Variants in ACOX1 observed in about 807,000 individuals in gnomAD.
ACOX1 encodes acyl-CoA oxidase 1.
In ACOX1, 41 loss-of-function variants were observed where a neutral mutation model predicts 75.5. That is an observed-to-expected ratio of 0.54 (90% CI 0.42 to 0.70). The LOEUF is 0.70. Among genes scored for constraint, ACOX1 ranks in the 30% least tolerant of loss-of-function variants. The pLI is 0.00. For synonymous variants in ACOX1, 303 were observed against 298.8 expected (o/e 1.01, Z -0.15); for missense variants, 630 against 837.5 (o/e 0.75, Z 3.06).
intron 2 of ACOX1, among the ~76,000 whole-genome samples, chr17:75,967,020 G>T (rs748084333): frequency 1.3e-5 from 2 of 150,984 alleles, no homozygotes; most frequent in African/African-American, 2.4e-5. Context: ...CTGCGCCACT[G>T]CACCCCAGCC....
rs780917894 is a variant in ACOX1 at position 75,950,463 on chromosome 17, G to C, written c.1298+311C>G. Among the ~76,000 whole-genome samples the C allele has an allele frequency of 2.6e-5, 4 of 151,990 alleles. No homozygotes were observed. Among genetic ancestry groups the C allele is most frequent in the Non-Finnish European group, 2.9e-5 (2 of 68,014 alleles). On this transcript the variant is annotated intron_variant, in intron 9 of 13. Transcript: ENST00000293217. This position sits in a 1 kb window ranked among gnomAD's most constrained non-coding sequence, Gnocchi z 4.3. Reference sequence around the variant, plus strand: ...GACACGGTTTCACCATGTTGATCAAGCTGGTCTTGAACTCCTTACCTCATG... The same window carrying C: ...GACACGGTTTCACCATGTTGATCAACCTGGTCTTGAACTCCTTACCTCATG...
intron 12 of ACOX1, 116 bp downstream of exon 12, chr17:75,949,101 G>A (rs748605888): frequency 3.3e-5 from 39 of 1,198,404 alleles, no homozygotes; most frequent in Non-Finnish European, 4.2e-5. Context: ...AGTGATCACC[G>A]TACCCGCCTT....
Position 75,950,345 on chromosome 17 carries a change from A to T in ACOX1, c.1298+429T>A, listed in dbSNP as rs555212606. ...ACTGCAACCTCCGCTTCCCAGGTTCAAGCGATTCTTCTGCCTCAGCCTCCC... is the reference window on the plus strand; with the variant it reads ...ACTGCAACCTCCGCTTCCCAGGTTCTAGCGATTCTTCTGCCTCAGCCTCCC... On this transcript the variant is annotated intron_variant, in intron 9 of 13. Coordinates refer to ENST00000293217, the MANE Select transcript of ACOX1 (RefSeq NM_004035.7). The surrounding 1 kb of genome is among the most constrained non-coding windows in gnomAD (Gnocchi z 4.3). 6.6e-6 allele frequency among the ~76,000 whole-genome samples: 1 copy of T among 151,082 alleles called. No individual in the cohort carries two copies. Among genetic ancestry groups the T allele is most frequent in the Non-Finnish European group, 1.5e-5 (1 of 67,812 alleles).
intron 2 of ACOX1, among the ~76,000 whole-genome samples, chr17:75,966,148 TAAATAA>T (rs917864783): frequency 1.5e-4 from 21 of 140,414 alleles, no homozygotes; most frequent in African/African-American, 4.5e-4. Context: ...AAAAAAATAA[TAAATAA>T]AAATAATAAA....
intron 2 of ACOX1, among the ~76,000 whole-genome samples, chr17:75,975,865 GAGAGAGAGAAAGAA>G (rs1475580709): frequency 6.0e-5 from 9 of 150,870 alleles, no homozygotes; most frequent in African/African-American, 1.5e-4. Flanking sequence ...GAGAGAGAGA[GAGAGAGAGAAAGAA>G]AGAGAGAGAA....
In ACOX1 at chr17:75,978,923, C is replaced by T. The variant is rs777070284; in HGVS notation, c.109+42G>A. 14 of 1,605,922 alleles carry T rather than the reference C, an allele frequency of 8.7e-6. No individual in the cohort carries two copies. In the African/African-American group the frequency reaches 1.9e-4, roughly 21 times the overall value. On this transcript the variant is annotated intron_variant, in intron 1 of 13. Transcript: ENST00000293217. This position sits in a 1 kb window ranked among gnomAD's most constrained non-coding sequence, Gnocchi z 4.2. ...GACTCCGCATCGAGGGAGTCTCCAG[C>T]TTTTCTCGGGAAAGGAGGGAGGTCT... is the stretch of plus-strand genomic sequence containing the variant.
At chr17:75,957,094 G>T (rs1257104874) in intron 4 of ACOX1, among the ~76,000 whole-genome samples, 1 of 146,170 alleles carries the variant, frequency 6.8e-6, no homozygotes, top group Non-Finnish European at 1.5e-5. Flanking sequence ...TTGTTTGTTG[G>T]GTTGTTTTTG....
chr17:75,965,112 C>T (rs965487579), intron 2 of ACOX1, among the ~76,000 whole-genome samples: 10 of 151,952 alleles, frequency 6.6e-5, no homozygotes, highest in East Asian at 5.8e-4. Context: ...CCGAGGAGGG[C>T]GCATCACGAG....
rs994302712 is a variant in ACOX1 at position 75,957,550 on chromosome 17, G to T, written c.447C>A (p.Gly149=). 1 of 1,614,018 alleles carries T rather than the reference G, an allele frequency of 6.2e-7. No individual in the cohort carries two copies. Among genetic ancestry groups the T allele is most frequent in the South Asian group, 1.1e-5 (1 of 91,084 alleles). ...GGTCATACGTGGCTGTGGTTTCCAA[G>T]CCTCGAAGGTGAGTTCCTAAGGAGA... ...TEMGHGTHLR[G]LETTATYDPE... The change falls in exon 4 of 14, where the codon GGC becomes GGA. Residue 149 remains glycine, a synonymous_variant. Transcript: ENST00000293217.
intron 2 of ACOX1, among the ~76,000 whole-genome samples, chr17:75,963,477 G>A (rs1422351738): frequency 6.6e-6 from 1 of 151,972 alleles, no homozygotes; most frequent in Non-Finnish European, 1.5e-5. Context: ...CAAGGTGGGC[G>A]GATCATGAGA....
rs1467307081 is a variant in ACOX1, at chr17:75,943,209, T to A, written c.*3539A>T. ...ACCATTGCATTCCCGCCTGGGAGAC[T>A]CCATCTCAAAAAAAAAAAAAAAAAA... On this transcript the variant is annotated 3_prime_UTR_variant, in exon 14 of 14. Coordinates refer to ENST00000293217, the MANE Select transcript of ACOX1 (RefSeq NM_004035.7). 8.5e-6 allele frequency: 1 copy of A among 117,528 alleles called. No homozygotes were observed. Among genetic ancestry groups the A allele is most frequent in the Non-Finnish European group, 1.7e-5 (1 of 58,690 alleles). The allele number at this position is 117,528 out of a possible 1,614,324, so 7.3% of individuals were successfully genotyped here. A position where few individuals can be genotyped will look rare whatever the true frequency, so the allele number is the denominator to read the frequency against.
chr17:75,957,641 A>C, intron 3 of ACOX1, 75 bp from the exon 4 acceptor site: 1 of 1,145,776 alleles, frequency 8.7e-7, no homozygotes, highest in Non-Finnish European at 1.3e-6. Context: ...TTTCCTGCAC[A>C]GTCCTTTAAA....
intron 3 of ACOX1, among the ~76,000 whole-genome samples, chr17:75,958,596 C>G (rs1188697784): frequency 4.6e-5 from 7 of 151,514 alleles, no homozygotes; most frequent in Non-Finnish European, 8.8e-5. Flanking sequence ...ATCACAAAGT[C>G]AGGAGATCGA....
chr17:75,959,542 A>C (rs562036208), intron 3 of ACOX1, among the ~76,000 whole-genome samples: 1 of 152,346 alleles, frequency 6.6e-6, no homozygotes, highest in East Asian at 1.9e-4. Context: ...GACCCAATTC[A>C]GAGAAGATAC....
intron 2 of ACOX1, among the ~76,000 whole-genome samples, chr17:75,967,786 G>T (rs989280043): frequency 6.1e-5 from 9 of 148,466 alleles, no homozygotes; most frequent in African/African-American, 2.0e-4. Flanking sequence ...TGTCACCCAG[G>T]CTGGAGTGCA....
At chr17:75,970,322 T>A (rs1332003414) in intron 2 of ACOX1, among the ~76,000 whole-genome samples, 1 of 151,962 alleles carries the variant, frequency 6.6e-6, no homozygotes, top group Non-Finnish European at 1.5e-5. Context: ...AAACGACCTG[T>A]TTTGTGGCCT....
intron 12 of ACOX1, 46 bp from the exon 13 acceptor site, chr17:75,948,503 GATAGAC>G (rs751187665): frequency 6.8e-7 from 1 of 1,462,986 alleles, no homozygotes; most frequent in South Asian, 1.2e-5. Context: ...TATGTATATA[GATAGAC>G]ATAATTATAT....
At chr17:75,965,818 G>C (rs1017179562) in intron 2 of ACOX1, among the ~76,000 whole-genome samples, 1 of 152,066 alleles carries the variant, frequency 6.6e-6, no homozygotes, top group Non-Finnish European at 1.5e-5. Flanking sequence ...GGGCAGCAGA[G>C]CAAGAACCCG....
chr17:75,962,324 C>A lies in ACOX1; in HGVS notation c.270-1949G>T, dbSNP rs547229718. Among the ~76,000 whole-genome samples the A allele has an allele frequency of 2.6e-5, 4 of 152,246 alleles. No homozygotes were observed. The South Asian group carries it at 6.2e-4, about 24-fold the overall frequency. On this transcript the variant is annotated intron_variant, in intron 2 of 13. Coordinates refer to ENST00000293217, the MANE Select transcript of ACOX1 (RefSeq NM_004035.7). ...ATAAACAGCTTTATTAGTTTTAAAT[C>A]AACTTTCTGGGGTCATTCTTTTCCA...
Sources: gnomAD v4.1 joint callset for allele counts (sites outside exome capture counted in the v4.1 genomes callset) on GRCh38, gnomAD v4.1.1 for gene constraint, Gnocchi (gnomAD v3.1) non-coding constraint, MANE v1.5 for transcripts, NCBI Gene and HGNC (gene_info 2026-07-23, HGNC 2026-07-21) for gene names.